TBC1D22A: variants seen among roughly 807,000 people sequenced by gnomAD.
TBC1D22A encodes TBC1 domain family member 22A.
In TBC1D22A, 38 loss-of-function variants were observed where a neutral mutation model predicts 60.2. The observed-to-expected ratio is 0.63, with a 90% confidence interval of 0.49 to 0.83. The LOEUF (loss-of-function observed/expected upper bound fraction) is 0.83. Among genes scored for constraint, TBC1D22A ranks in the 40% least tolerant of loss-of-function variants. The probability of loss-of-function intolerance (pLI) is 0.00; values close to 1 mark genes in which losing one functional copy is unlikely to be tolerated. For synonymous variants in TBC1D22A, 302 were observed against 281.7 expected (o/e 1.07, Z -0.72); for missense variants, 628 against 701.0 (o/e 0.90, Z 1.18).
At chr22:46,880,774 G>A (rs1286572136) in intron 5 of TBC1D22A, among the ~76,000 whole-genome samples, 1 of 152,168 alleles carries the variant, frequency 6.6e-6, no homozygotes, top group African/African-American at 2.4e-5. Flanking sequence ...CATGGCAGGT[G>A]GGGAAGGAGG....
chr22:47,090,267 C>G (rs1194822740), intron 11 of TBC1D22A, among the ~76,000 whole-genome samples: 3 of 152,238 alleles, frequency 2.0e-5, no homozygotes, highest in African/African-American at 4.8e-5. Context: ...CCACCCGGCA[C>G]ACACTGAGCT....
rs540680471 is a variant in TBC1D22A at position 46,788,139 on chromosome 22, T to C, written c.63-4381T>C. 2.9e-4 allele frequency among the ~76,000 whole-genome samples: 44 copies of C among 152,162 alleles called. No individual in the cohort carries two copies. The East Asian group carries it at 7.9e-3, about 27-fold the overall frequency. On this transcript the variant is annotated intron_variant, in intron 1 of 12. Coordinates refer to ENST00000337137, the MANE Select transcript of TBC1D22A (RefSeq NM_014346.5). Reference sequence around the variant, plus strand: ...TTTTAGTAGAGACGGGGTTTCACTGTGTTAGCCAGGACGGTCTCGATCTCC... The same window carrying C: ...TTTTAGTAGAGACGGGGTTTCACTGCGTTAGCCAGGACGGTCTCGATCTCC...
At chr22:47,135,770 G>A (rs2066843349) in intron 12 of TBC1D22A, among the ~76,000 whole-genome samples, 1 of 152,282 alleles carries the variant, frequency 6.6e-6, no homozygotes, top group South Asian at 2.1e-4. Flanking sequence ...CTCTAGGCAG[G>A]GCGTGTGCGG....
intron 10 of TBC1D22A, among the ~76,000 whole-genome samples, chr22:47,031,137 G>T (rs570852312): frequency 5.9e-5 from 9 of 152,170 alleles, no homozygotes; most frequent in Non-Finnish European, 8.8e-5. Flanking sequence ...CCATGGTCTC[G>T]TGCTGTGCCT....
intron 8 of TBC1D22A, among the ~76,000 whole-genome samples, chr22:46,972,974 C>G (rs1361925085): frequency 6.6e-6 from 1 of 152,190 alleles, no homozygotes; most frequent in Non-Finnish European, 1.5e-5. Context: ...CCCTCGAGCG[C>G]CCAGCTGCTC....
At chr22:47,006,574 G>A (rs1426380718) in intron 10 of TBC1D22A, among the ~76,000 whole-genome samples, 1 of 152,206 alleles carries the variant, frequency 6.6e-6, no homozygotes, top group Non-Finnish European at 1.5e-5. Flanking sequence ...GCCGGATGGC[G>A]GCCACCCAGG....
At chr22:47,049,597 G>T (rs1456026480) in intron 11 of TBC1D22A, among the ~76,000 whole-genome samples, 1 of 152,216 alleles carries the variant, frequency 6.6e-6, no homozygotes, top group East Asian at 1.9e-4. Flanking sequence ...AGTGGAGCAG[G>T]TGTTAGTGTC....
chr22:46,887,375 G>A (rs1006970970), intron 5 of TBC1D22A, among the ~76,000 whole-genome samples: 2 of 152,244 alleles, frequency 1.3e-5, no homozygotes, highest in Non-Finnish European at 2.9e-5. Context: ...TCTGACAGGA[G>A]TAGAGTCACT....
rs1345270456 is a variant in TBC1D22A at position 47,076,367 on chromosome 22, A to G, written c.1330-35141A>G. Among the ~76,000 whole-genome samples, 36 of 103,928 alleles carry G rather than the reference A, an allele frequency of 3.5e-4. No homozygotes were observed. In the Admixed American group the frequency reaches 3.7e-3, roughly 11 times the overall value. 68.2% of individuals were successfully genotyped at this position (103,928 alleles called of 152,430 possible). On this transcript the variant is annotated intron_variant, in intron 11 of 12. Transcript: ENST00000337137. ...TATATATATATATGTGTGTGTATAT[A>G]TATATATATATATACACACACACAC...
At chr22:46,883,585 G>GTATTTC (rs2067959331) in intron 5 of TBC1D22A, among the ~76,000 whole-genome samples, 1 of 152,204 alleles carries the variant, frequency 6.6e-6, no homozygotes, top group East Asian at 1.9e-4. Flanking sequence ...ATTTTGGGGA[G>GTATTTC]TGGGAAGTAT....
At chr22:47,033,114 C>T (rs1263283050) in intron 10 of TBC1D22A, among the ~76,000 whole-genome samples, 2 of 152,332 alleles carry the variant, frequency 1.3e-5, no homozygotes. Context: ...TTTAAGTGTT[C>T]AGACTTGAAT....
intron 12 of TBC1D22A, among the ~76,000 whole-genome samples, chr22:47,144,274 G>C (rs1220042422): frequency 6.6e-6 from 1 of 152,236 alleles, no homozygotes; most frequent in African/African-American, 2.4e-5. Context: ...GTTTCTAGTG[G>C]CCGCAGCCGC....
At chr22:47,172,373 A>G (rs941279887) in intron 12 of TBC1D22A, among the ~76,000 whole-genome samples, 1 of 152,236 alleles carries the variant, frequency 6.6e-6, no homozygotes, top group Non-Finnish European at 1.5e-5. Context: ...AATTCAATGC[A>G]ATAAATGCTG....
chr22:47,103,279 C>A, intron 11 of TBC1D22A, among the ~76,000 whole-genome samples: 1 of 152,142 alleles, frequency 6.6e-6, no homozygotes, highest in East Asian at 1.9e-4. Flanking sequence ...CACACTGGAC[C>A]ATGACAGTGT....
intron 12 of TBC1D22A, among the ~76,000 whole-genome samples, chr22:47,162,743 G>A (rs1171601197): frequency 7.5e-6 from 1 of 133,606 alleles, no homozygotes; most frequent in East Asian, 2.2e-4. Flanking sequence ...TGCGGACCCG[G>A]TGCAGGGAGA....
chr22:47,119,307 G>C (rs943758188), intron 12 of TBC1D22A, among the ~76,000 whole-genome samples: 2 of 152,124 alleles, frequency 1.3e-5, no homozygotes, highest in African/African-American at 4.8e-5. Context: ...TGCCCCGCTG[G>C]AAAGAAGCAG....
intron 4 of TBC1D22A, among the ~76,000 whole-genome samples, chr22:46,854,284 G>A (rs1415581633): frequency 1.3e-5 from 2 of 152,150 alleles, no homozygotes; most frequent in Admixed American, 6.5e-5. Flanking sequence ...GTAAAATGGG[G>A]ATGGGAACTG....
intron 11 of TBC1D22A, among the ~76,000 whole-genome samples, chr22:47,091,484 T>A (rs1603258283): frequency 1.3e-5 from 1 of 75,274 alleles, no homozygotes; most frequent in African/African-American, 5.5e-5. Flanking sequence ...TGCTGGGGAG[T>A]GGCCTCGTGG....
At chr22:47,125,553 C>G (rs895666313) in intron 12 of TBC1D22A, among the ~76,000 whole-genome samples, 6 of 152,194 alleles carry the variant, frequency 3.9e-5, no homozygotes, top group African/African-American at 1.4e-4. Flanking sequence ...AGTTTAATAG[C>G]TTTCTTCCTG....
Sources: allele counts gnomAD v4.1 joint callset (sites outside exome capture counted in the v4.1 genomes callset), GRCh38; gene constraint gnomAD v4.1.1; transcripts MANE v1.5; gene names NCBI Gene and HGNC (gene_info 2026-07-23, HGNC 2026-07-21).